DMD: variants seen among roughly 807,000 people sequenced by gnomAD.
DMD encodes dystrophin, also known as mutant dystrophin.
A neutral mutation model predicts 330.1 loss-of-function variants in DMD; 63 were observed. The observed-to-expected ratio is 0.19, with a 90% CI of 0.16 to 0.24. DMD has a LOEUF of 0.24. Among genes scored for constraint, DMD ranks in the 10% least tolerant of loss-of-function variants. The probability of loss-of-function intolerance (pLI) is 1.00; values close to 1 mark genes in which losing one functional copy is unlikely to be tolerated. For missense variants in DMD, 3,344 were observed against 2,684.1 expected, an observed-to-expected ratio of 1.25 and a Z score of -5.43; for synonymous variants, 1,223 against 959.8, an observed-to-expected ratio of 1.27 and a Z score of -5.07.
intron 1 of DMD, among the ~76,000 whole-genome samples, chrX:33,076,174 A>G (rs113332133): frequency 0.011 from 1,239 of 111,063 alleles, 22 homozygotes; most frequent in African/African-American, 0.039. Context: ...TTGACTCCCT[A>G]TGATTTCATC....
At chrX:32,074,014 A>G (rs1044256722) in intron 44 of DMD, among the ~76,000 whole-genome samples, 2 of 111,863 alleles carry the variant, frequency 1.8e-5, no homozygotes, top group East Asian at 5.6e-4. Context: ...TGTAGTAGGT[A>G]AATACTTTTC....
At chrX:31,295,080 T>C (rs1314658363) in intron 62 of DMD, among the ~76,000 whole-genome samples, 6 of 111,203 alleles carry the variant, frequency 5.4e-5, no homozygotes, top group Non-Finnish European at 1.1e-4. Context: ...CACTGCAAGC[T>C]CCAGCCCCGG....
intron 51 of DMD, among the ~76,000 whole-genome samples, chrX:31,758,503 T>A (rs1353482696): frequency 9.0e-6 from 1 of 111,519 alleles, no homozygotes; most frequent in Non-Finnish European, 1.9e-5. Flanking sequence ...TTTTGGAAGC[T>A]CTTAGAAAAC....
rs1360421317 is a variant in DMD, at chrX:32,343,303, CATT to C, written c.5587-20_5587-18del. On this transcript the variant is annotated intron_variant, in intron 39 of 78. Transcript: ENST00000357033. ...CCTCAAATCCTGTTCATGGTGCAGA[CATT>C]ATTAAAATATCAATATATATGTATA... is the stretch of plus-strand genomic sequence containing the variant. 3 of 1,186,387 alleles carry C rather than the reference CATT, an allele frequency of 2.5e-6. No individual in the cohort carries two copies. Among genetic ancestry groups the C allele is most frequent in the Non-Finnish European group, 3.4e-6 (3 of 876,006 alleles).
intron 12 of DMD, among the ~76,000 whole-genome samples, chrX:32,608,411 T>A (rs1363339063): frequency 9.1e-6 from 1 of 110,434 alleles, no homozygotes; most frequent in Non-Finnish European, 1.9e-5. Flanking sequence ...AAAATAATAC[T>A]ACCACTCAAA....
chrX:31,871,199 C>T (rs1252030754), intron 48 of DMD, among the ~76,000 whole-genome samples: 1 of 111,048 alleles, frequency 9.0e-6, no homozygotes, highest in Non-Finnish European at 1.9e-5. Flanking sequence ...CTAATTTTCA[C>T]CCTCTACATC....
rs1021381766 is a variant in DMD at position 31,936,876 on chromosome X, C to T, written c.6615-4649G>A. 2.0e-4 allele frequency among the ~76,000 whole-genome samples: 22 copies of T among 110,978 alleles called. 1 individual carries two copies. The highest frequency in any genetic ancestry group is 1.9e-3 in the Admixed American group (20 of 10,343). On this transcript the variant is annotated intron_variant, in intron 45 of 78. Transcript: ENST00000357033. ...AAACTGATATTTTTTCCCCCAGCAC[C>T]ATCTCTTCTGAATTGATTTATGGTG...
intron 7 of DMD, among the ~76,000 whole-genome samples, chrX:32,782,240 C>CA (rs990777020): frequency 9.0e-6 from 1 of 110,971 alleles, no homozygotes. Flanking sequence ...ACTAGAATAT[C>CA]AAAAAAACAG....
At chrX:33,262,051 A>G (rs991238838) in intron 1 of DMD, among the ~76,000 whole-genome samples, 9 of 111,183 alleles carry the variant, frequency 8.1e-5, no homozygotes, top group Admixed American at 7.7e-4. Context: ...TAGAATTCTC[A>G]ACAATAAAAT....
In DMD at chrX:32,906,813, A is replaced by G. The variant is rs1379743121; in HGVS notation, c.94-56993T>C. On this transcript the variant is annotated intron_variant, in intron 2 of 78. Transcript: ENST00000357033. The stretch of plus-strand genomic sequence containing the variant: ...CTCCAGGAAGGAGCTGATGGTACAC[A>G]GAAGTGTCAAAGTTGAGAGGGACTG... 4.5e-5 allele frequency among the ~76,000 whole-genome samples: 5 copies of G among 111,514 alleles called. No individual in the cohort carries two copies. The Admixed American group carries it at 4.8e-4, about 11-fold the overall frequency.
At chrX:32,855,810 C>T (rs1010489758) in intron 2 of DMD, among the ~76,000 whole-genome samples, 1 of 111,231 alleles carries the variant, frequency 9.0e-6, no homozygotes, top group African/African-American at 3.3e-5. Context: ...AGCAAACATG[C>T]ACAAATGAGA....
intron 50 of DMD, among the ~76,000 whole-genome samples, chrX:31,815,030 T>C (rs768949400): frequency 3.6e-5 from 4 of 112,384 alleles, no homozygotes; most frequent in South Asian, 3.7e-4. Flanking sequence ...CTGGATCTCA[T>C]TGGAATCCCA....
chrX:31,838,070 T>C (rs952450416), intron 48 of DMD, among the ~76,000 whole-genome samples: 2 of 111,808 alleles, frequency 1.8e-5, no homozygotes, highest in African/African-American at 3.3e-5. Context: ...CATTGTTCCC[T>C]GAAAATGCAG....
chrX:31,473,593 G>A (rs1377398482), intron 59 of DMD, among the ~76,000 whole-genome samples: 2 of 104,042 alleles, frequency 1.9e-5, no homozygotes, highest in East Asian at 3.1e-4. Context: ...GGTGGTGCGC[G>A]CCTGTAGTCC....
chrX:31,336,926 CTTT>C (rs66807082), intron 61 of DMD, among the ~76,000 whole-genome samples: 2 of 94,365 alleles, frequency 2.1e-5, no homozygotes, highest in Non-Finnish European at 2.1e-5. Flanking sequence ...TTCTTTCTTT[CTTT>C]TTTTTTTTTT....
chrX:31,436,153 CAAT>C (rs2064509485), intron 60 of DMD, among the ~76,000 whole-genome samples: 2 of 107,876 alleles, frequency 1.9e-5, no homozygotes, highest in Admixed American at 2.0e-4. Flanking sequence ...TTTTTAAAAA[CAAT>C]AATAAACACA....
At chrX:32,465,219 C>A in intron 23 of DMD, among the ~76,000 whole-genome samples, 1 of 111,644 alleles carries the variant, frequency 9.0e-6, no homozygotes, top group East Asian at 2.8e-4. Context: ...TTTGTCTGAC[C>A]AGTACGAAGT....
At chrX:31,506,677 G>A (rs1399885373) in intron 56 of DMD, among the ~76,000 whole-genome samples, 1 of 111,910 alleles carries the variant, frequency 8.9e-6, no homozygotes, top group African/African-American at 3.2e-5. Context: ...CACATAGAAG[G>A]GGGCAAAATA....
chrX:31,449,773 T>G (rs1262551411), intron 59 of DMD, among the ~76,000 whole-genome samples: 50 of 85,499 alleles, frequency 5.8e-4, no homozygotes, highest in African/African-American at 2.0e-3. Context: ...GATATATATA[T>G]ATATATATAT....
Sources: allele counts gnomAD v4.1 joint callset (sites outside exome capture counted in the v4.1 genomes callset), GRCh38; gene constraint gnomAD v4.1.1; transcripts MANE v1.5; gene names NCBI Gene and HGNC (gene_info 2026-07-23, HGNC 2026-07-21).